AKAP4: variants seen among roughly 807,000 people sequenced by gnomAD.
AKAP4 encodes the protein A-kinase anchor protein 4.
Under a neutral mutation model 42.6 loss-of-function variants are expected in AKAP4, and 4 were observed. The observed-to-expected ratio is 0.09, with a 90% CI of 0.05 to 0.22. The LOEUF (loss-of-function observed/expected upper bound fraction) is 0.22. Ranked by LOEUF, AKAP4 falls within the 10% of genes least tolerant of loss-of-function variation. The pLI is 1.00. For missense variants in AKAP4, 551 were observed against 630.7 expected (o/e 0.87, Z 1.35); for synonymous variants, 223 against 233.0 (o/e 0.96, Z 0.39).
chrX:50,192,509 T>G lies in AKAP4; in HGVS notation c.2204A>C (p.Asn735Thr), dbSNP rs61751433. 74 of 1,209,689 alleles carry G rather than the reference T, an allele frequency of 6.1e-5. No individual in the cohort carries two copies. Among genetic ancestry groups the G allele is most frequent in the Non-Finnish European group, 8.0e-5 (72 of 895,180 alleles). The change falls in exon 5 of 6, where the codon AAT (asparagine) becomes ACT (threonine). Residue 735 changes from asparagine (N) to threonine (T), a missense_variant. Physicochemically the swap from Asn to Thr is moderately conservative, Grantham distance 65. Coordinates refer to ENST00000358526, the MANE Select transcript of AKAP4 (RefSeq NM_003886.3). ...EEQAASANKPNFRGTRCIHSG... is the reference protein window; with the variant it reads ...EEQAASANKPTFRGTRCIHSG... ...GTGAATGCATCTGGTGCCCCTGAAA[T>G]TGGGCTTATTTGCCGAGGCTGCTTG...
chrX:50,193,716 G>C lies in AKAP4; in HGVS notation c.997C>G (p.Leu333Val), dbSNP rs150206539. 24 of 1,210,752 alleles carry C rather than the reference G, an allele frequency of 2.0e-5. No individual in the cohort carries two copies. Among genetic ancestry groups the C allele is most frequent in the Non-Finnish European group, 2.7e-5 (24 of 895,099 alleles). Reference sequence around the variant, plus strand: ...GCCACCTGATTTGCATAAACCATGAGCCCCTTGCTGATGGAATCTGCAAAT... The same window carrying C: ...GCCACCTGATTTGCATAAACCATGACCCCCTTGCTGATGGAATCTGCAAAT... ...KEFADSISKGLMVYANQVASD... is the reference protein window; with the variant it reads ...KEFADSISKGVMVYANQVASD... Residue 333 changes from leucine to valine, a missense_variant, in exon 5 of 6, where the codon CTC becomes GTC. Coordinates refer to ENST00000358526, the MANE Select transcript of AKAP4 (RefSeq NM_003886.3).
chrX:50,195,886 C>T (rs904742442), intron 4 of AKAP4, among the ~76,000 whole-genome samples: 2 of 110,685 alleles, frequency 1.8e-5, no homozygotes, highest in African/African-American at 6.6e-5. Context: ...ACACATATTC[C>T]ACCCAACACT....
At chrX:50,194,573 T>C (rs1602167483) in intron 4 of AKAP4, 137 bp from the exon 5 acceptor site, 2 of 472,860 alleles carry the variant, frequency 4.2e-6, no homozygotes, top group East Asian at 3.7e-5. Context: ...TTATATCCAT[T>C]AGTACACATT....
rs191821579 is a variant in AKAP4, at chrX:50,192,663, C to T, written c.2050G>A (p.Asp684Asn). Residue 684 changes from aspartate to asparagine, a missense_variant, in exon 5 of 6, where the codon GAC (aspartate) becomes AAC (asparagine). Physicochemically the swap from Asp to Asn is conservative, Grantham distance 23 (BLOSUM62 1). Coordinates refer to ENST00000358526, the MANE Select transcript of AKAP4 (RefSeq NM_003886.3). ...EEQCQEHQELDCTSGMKQANG... is the reference protein window; with the variant it reads ...EEQCQEHQELNCTSGMKQANG... The stretch of plus-strand genomic sequence containing the variant: ...GCTTGCTTCATCCCACTGGTACAGT[C>T]AAGTTCTTGATGCTCCTGGCATTGT... 20 of 1,210,053 alleles carry T rather than the reference C, an allele frequency of 1.7e-5. No homozygotes were observed. The East Asian group carries it at 2.4e-4, about 14-fold the overall frequency.
At chrX:50,191,266 G>T in intron 5 of AKAP4, 151 bp from the exon 6 acceptor site, 1 of 562,162 alleles carries the variant, frequency 1.8e-6, no homozygotes, top group Non-Finnish European at 2.8e-6. Context: ...TTAGGGTACA[G>T]CATGTCATAG....
At chrX:50,194,468 T>G (rs1557204166) in intron 4 of AKAP4, 32 bp from the exon 5 acceptor site, 1 of 1,085,468 alleles carries the variant, frequency 9.2e-7, no homozygotes, top group African/African-American at 1.9e-5. Context: ...TCCATAAGAG[T>G]TTGGGTAGGC....
chrX:50,196,620 T>C (rs782020506), intron 4 of AKAP4, among the ~76,000 whole-genome samples: 7 of 111,708 alleles, frequency 6.3e-5, no homozygotes, highest in East Asian at 2.8e-4. Flanking sequence ...CGAAGAACAT[T>C]ACAAATAGTC....
Position 50,193,087 on chromosome X carries a change from C to T in AKAP4, c.1626G>A (p.Lys542=). 1 of 1,211,984 alleles carries T rather than the reference C, an allele frequency of 8.3e-7. No individual in the cohort carries two copies. The highest frequency in any genetic ancestry group is 3.0e-5 in the East Asian group (1 of 33,844). Residue 542 remains lysine (K), a synonymous_variant, in exon 5 of 6, where the codon AAG becomes AAA. Transcript: ENST00000358526. Reference sequence around the variant, plus strand: ...GCTTAAGGGCAGAGACAATCAGGTCCTTGGCCAGTGAATCTGTGGAAGCAT... The same window carrying T: ...GCTTAAGGGCAGAGACAATCAGGTCTTTGGCCAGTGAATCTGTGGAAGCAT... The part of the protein sequence containing the change: ...KINASTDSLA[K]DLIVSALKLI...
chrX:50,199,855 T>G (rs868930055), intron 1 of AKAP4, among the ~76,000 whole-genome samples: 1 of 49,494 alleles, frequency 2.0e-5, no homozygotes, highest in Non-Finnish European at 3.6e-5. Flanking sequence ...CCCTCTTCCC[T>G]CCCCCTCCCT....
Position 50,194,099 on chromosome X carries a change from A to C in AKAP4, c.614T>G (p.Val205Gly). 8.3e-7 allele frequency: 1 copy of C among 1,211,784 alleles called. No homozygotes were observed. Among genetic ancestry groups the C allele is most frequent in the Non-Finnish European group, 1.1e-6 (1 of 895,383 alleles). The change falls in exon 5 of 6, where the codon GTC becomes GGC. Residue 205 changes from valine to glycine, a missense_variant. By Grantham distance (109) the Val-to-Gly change is moderately radical. Transcript: ENST00000358526. ...PAKPPSTQRA[V>G]ISPDGECSID... ...AGAACATTCTCCATCAGGGGAAATG[A>C]CTGCTCTCTGAGTGCTAGGAGGTTT...
chrX:50,200,502 A>G, intron 1 of AKAP4: 2 of 478,200 alleles, frequency 4.2e-6, no homozygotes, highest in Non-Finnish European at 5.4e-6. Context: ...ACCTATTCCC[A>G]TCAAAAGCAC....
At chrX:50,194,620 T>C (rs1935166851) in intron 4 of AKAP4, among the ~76,000 whole-genome samples, 184 bp from the exon 5 acceptor site, 1 of 108,565 alleles carries the variant, frequency 9.2e-6, no homozygotes, top group Admixed American at 1.0e-4. Flanking sequence ...TCAAAGTATA[T>C]ACATGTGTAT....
In AKAP4 at chrX:50,193,805, T is replaced by C; in HGVS notation, c.908A>G (p.Tyr303Cys). 2 of 1,211,067 alleles carry C rather than the reference T, an allele frequency of 1.7e-6. No individual in the cohort carries two copies. The highest frequency in any genetic ancestry group is 2.2e-6 in the Non-Finnish European group (2 of 895,206). ...TTTGCTCTTGTTGGATAATTCGCTA[T>C]ATAGAAAGCTTTTCTGGCCACCTTC... The part of the protein sequence containing the change: ...SREGGQKSFL[Y>C]SELSNKSKSG... The change falls in exon 5 of 6, where the codon TAT becomes TGT. Residue 303 changes from tyrosine (Y) to cysteine (C), a missense_variant. Tyr to Cys is a radical substitution (Grantham distance 194, BLOSUM62 -2). Transcript: ENST00000358526.
chrX:50,200,717 G>A, intron 1 of AKAP4, 146 bp downstream of exon 1: 1 of 538,281 alleles, frequency 1.9e-6, no homozygotes, highest in South Asian at 3.3e-5. Context: ...CGTAGAAACA[G>A]AGAAATGTTG....
Position 50,193,846 on chromosome X carries a change from A to G in AKAP4, c.867T>C (p.Thr289=), listed in dbSNP as rs781830455. ...VELTAAEMRG[T]GEESREGGQK... is the part of the protein sequence containing the mutation. ...GGCCACCTTCCCTGGACTCCTCTCC[A>G]GTGCCACGCATTTCTGCAGCTGTCA... The change falls in exon 5 of 6, where the codon ACT becomes ACC. Residue 289 remains threonine, a synonymous_variant. Transcript: ENST00000358526. The G allele has an allele frequency of 5.8e-6, 7 of 1,210,236 alleles. No individual in the cohort carries two copies. The African/African-American group carries it at 8.7e-5, about 15-fold the overall frequency.
At chrX:50,197,084 T>C in intron 3 of AKAP4, 92 bp from the exon 4 acceptor site, 2 of 615,336 alleles carry the variant, frequency 3.3e-6, no homozygotes, top group Non-Finnish European at 5.3e-6. Flanking sequence ...TCATGAATGT[T>C]ATGACTTCTT....
chrX:50,191,222 C>T (rs902729057), intron 5 of AKAP4, 107 bp from the exon 6 acceptor site: 7 of 839,818 alleles, frequency 8.3e-6, no homozygotes, highest in Non-Finnish European at 1.2e-5. Flanking sequence ...CCTCCTCACC[C>T]ACACCCACCA....
intron 5 of AKAP4, among the ~76,000 whole-genome samples, chrX:50,191,659 T>TGTGTGTGTGTGAGAGAAA (rs1363221828): frequency 2.3e-5 from 1 of 43,611 alleles, no homozygotes; most frequent in African/African-American, 7.4e-5. Context: ...TGTGTGTGTG[T>TGTGTGTGTGTGAGAGAAA]GAGAGAGAGA....
At position 50,200,848 on chromosome X, in the gene AKAP4, G is replaced by A; in HGVS notation, c.27+15C>T. ...TGCCCCCTTAGCTAGTCAAAAAGAA[G>A]TCAGATGTCCCTACCATTGTAGTAT... On this transcript the variant is annotated intron_variant, in intron 1 of 5. Transcript: ENST00000358526. The A allele has an allele frequency of 8.3e-7, 1 of 1,204,244 alleles. No individual in the cohort carries two copies. The highest frequency in any genetic ancestry group is 1.1e-6 in the Non-Finnish European group (1 of 889,529).
Sources: allele counts gnomAD v4.1 joint callset (sites outside exome capture counted in the v4.1 genomes callset), GRCh38; gene constraint gnomAD v4.1.1; transcripts MANE v1.5; gene names NCBI Gene and HGNC (gene_info 2026-07-23, HGNC 2026-07-21).